PPP3R1: variants seen among roughly 807,000 people sequenced by gnomAD.
The protein encoded by PPP3R1 is calcineurin subunit B type 1.
Under a neutral mutation model 22.6 loss-of-function variants are expected in PPP3R1, and 5 were observed. That is an observed-to-expected ratio of 0.22 (90% CI 0.12 to 0.46). The LOEUF is 0.46. PPP3R1 is among the 20% of genes least tolerant of loss of function. PPP3R1 has a pLI of 0.99. For synonymous variants in PPP3R1, 56 were observed against 65.2 expected, an observed-to-expected ratio of 0.86 and a Z score of 0.68; for missense variants, 61 against 203.2, an observed-to-expected ratio of 0.30 and a Z score of 4.25.
intron 1 of PPP3R1, among the ~76,000 whole-genome samples, chr2:68,217,375 T>C (rs1157475931): frequency 6.6e-6 from 1 of 152,168 alleles, no homozygotes; most frequent in Non-Finnish European, 1.5e-5. Context: ...TGCAAATATT[T>C]GATTGCAATA....
At chr2:68,238,692 T>A (rs1002079654) in intron 1 of PPP3R1, among the ~76,000 whole-genome samples, 6 of 152,134 alleles carry the variant, frequency 3.9e-5, no homozygotes, top group Non-Finnish European at 8.8e-5. Flanking sequence ...AAAAAAGTAT[T>A]ATGTGGGCTA....
chr2:68,251,641 C>T (rs1277692453), intron 1 of PPP3R1, among the ~76,000 whole-genome samples: 1 of 119,716 alleles, frequency 8.4e-6, no homozygotes, highest in Non-Finnish European at 1.8e-5. Context: ...GCAGCAGCAG[C>T]TCTGGAGAGT....
At chr2:68,209,358 C>CAAAAAA (rs777851469) in intron 2 of PPP3R1, among the ~76,000 whole-genome samples, 10 of 41,692 alleles carry the variant, frequency 2.4e-4, no homozygotes, top group Non-Finnish European at 3.9e-4. Context: ...GACTCTGTCT[C>CAAAAAA]AAAAAAAAAA....
intron 1 of PPP3R1, among the ~76,000 whole-genome samples, chr2:68,249,403 T>C (rs954122858): frequency 2.6e-5 from 4 of 152,064 alleles, no homozygotes; most frequent in African/African-American, 9.7e-5. Context: ...TGTTTTAAGT[T>C]CTAGATGCAG....
chr2:68,211,811 C>G (rs936889686), intron 2 of PPP3R1, among the ~76,000 whole-genome samples: 1 of 152,186 alleles, frequency 6.6e-6, no homozygotes, highest in Non-Finnish European at 1.5e-5. Flanking sequence ...TCTTTACTCA[C>G]CCATAAAAAG....
At position 68,187,032 on chromosome 2, in the gene PPP3R1, G is replaced by A. The variant is rs1335537424; in HGVS notation, c.280+223C>T. On this transcript the variant is annotated intron_variant, in intron 4 of 5. Transcript: ENST00000234310. ...TTTACATGGCTGTTTTCAGCAGAAA[G>A]AAACTGTTTTCCTTCTATCCAACTA... Among the ~76,000 whole-genome samples the A allele has an allele frequency of 1.3e-5, 2 of 152,184 alleles. 1 individual carries two copies. Among genetic ancestry groups the A allele is most frequent in the South Asian group, 4.1e-4 (2 of 4,834 alleles).
chr2:68,245,229 G>A (rs1284259026), intron 1 of PPP3R1, among the ~76,000 whole-genome samples: 5 of 152,082 alleles, frequency 3.3e-5, no homozygotes, highest in East Asian at 1.9e-4. Context: ...GGGTGTAGTG[G>A]TGTGCACCTG....
intron 5 of PPP3R1, 114 bp downstream of exon 5, chr2:68,186,354 G>A: frequency 9.8e-7 from 1 of 1,024,642 alleles, no homozygotes; most frequent in Non-Finnish European, 1.4e-6. Context: ...GGGCAATTAG[G>A]AAAAATCAAA....
At chr2:68,189,363 G>A (rs1291794948) in intron 2 of PPP3R1, among the ~76,000 whole-genome samples, 3 of 152,090 alleles carry the variant, frequency 2.0e-5, no homozygotes, top group Non-Finnish European at 4.4e-5. Context: ...CTTTAAAAGA[G>A]AAAGAATAAC....
At chr2:68,223,943 A>C (rs533352925) in intron 1 of PPP3R1, among the ~76,000 whole-genome samples, 10 of 152,318 alleles carry the variant, frequency 6.6e-5, no homozygotes, top group African/African-American at 2.2e-4. Context: ...TGAATTAAGC[A>C]AGACGGCAAG....
intron 1 of PPP3R1, among the ~76,000 whole-genome samples, chr2:68,240,340 T>A (rs977787186): frequency 1.3e-5 from 2 of 152,040 alleles, no homozygotes; most frequent in Non-Finnish European, 2.9e-5. Context: ...AGTTCTTAGA[T>A]CTGTTCTGAT....
In PPP3R1 at chr2:68,241,787, T is replaced by C. The variant is rs1670142794; in HGVS notation, c.3+10338A>G. On this transcript the variant is annotated intron_variant, in intron 1 of 5. Coordinates refer to ENST00000234310, the MANE Select transcript of PPP3R1 (RefSeq NM_000945.4). ...TGAACATGGAAGGTGGAGGTTGCAG[T>C]GAACCGAGATTGCACCACTGTACTC... is the stretch of plus-strand genomic sequence containing the variant. Among the ~76,000 whole-genome samples, 4 of 146,264 alleles carry C rather than the reference T, an allele frequency of 2.7e-5. No individual in the cohort carries two copies. In the South Asian group the frequency reaches 8.5e-4, roughly 31 times the overall value.
At chr2:68,242,053 CT>C (rs1480500139) in intron 1 of PPP3R1, among the ~76,000 whole-genome samples, 1 of 152,126 alleles carries the variant, frequency 6.6e-6, no homozygotes, top group Non-Finnish European at 1.5e-5. Flanking sequence ...TTTTACTTAA[CT>C]TTAATTAACT....
chr2:68,187,001 T>G (rs1478422432), intron 4 of PPP3R1, among the ~76,000 whole-genome samples: 1 of 152,354 alleles, frequency 6.6e-6, no homozygotes, highest in Admixed American at 6.5e-5. Context: ...AAATTACATA[T>G]GTAGTTTTAC....
rs115019890 is a variant in PPP3R1 at position 68,252,170 on chromosome 2, G to T, written c.-43C>A. 4,351 of 1,392,460 alleles carry T rather than the reference G, an allele frequency of 3.1e-3. 107 individuals carry two copies. In the African/African-American group the frequency reaches 0.055, roughly 18 times the overall value. The allele number at this position is 1,392,460 out of a possible 1,614,324, so 86.3% of individuals were successfully genotyped here. ...CGGCTCGCTGGCTCGCTGGCTCGGA[G>T]AAGTGTTGCGCTCAGGCTGGCTCGC... is the stretch of plus-strand genomic sequence containing the variant. On this transcript the variant is annotated 5_prime_UTR_variant, in exon 1 of 6. Coordinates refer to ENST00000234310, the MANE Select transcript of PPP3R1 (RefSeq NM_000945.4).
At chr2:68,210,316 T>C (rs555047977) in intron 2 of PPP3R1, among the ~76,000 whole-genome samples, 2 of 152,222 alleles carry the variant, frequency 1.3e-5, no homozygotes, top group Non-Finnish European at 2.9e-5. Context: ...CAAGAACTTC[T>C]AAGCATGTAA....
chr2:68,214,185 C>G (rs577604292), intron 2 of PPP3R1, among the ~76,000 whole-genome samples: 86 of 152,084 alleles, frequency 5.7e-4, no homozygotes, highest in Non-Finnish European at 7.4e-5. Context: ...CTATAAAAAC[C>G]CTGTAAGATA....
At chr2:68,250,491 T>C (rs1038093675) in intron 1 of PPP3R1, among the ~76,000 whole-genome samples, 5 of 152,218 alleles carry the variant, frequency 3.3e-5, no homozygotes, top group Non-Finnish European at 7.3e-5. Context: ...AAACATTCCC[T>C]GCAATGAACA....
chr2:68,196,633 G>C lies in PPP3R1; in HGVS notation c.44-7943C>G, dbSNP rs562627319. 2.9e-3 allele frequency among the ~76,000 whole-genome samples: 447 copies of C among 152,110 alleles called. 1 individual carries two copies. The highest frequency in any genetic ancestry group is 4.4e-3 in the Admixed American group (67 of 15,268). On this transcript the variant is annotated intron_variant, in intron 2 of 5. Transcript: ENST00000234310. ...GTAATGAGTCTTTTTGGAGCTCCTA[G>C]ATTTCTTACATACTTTAAAGATTAT...
Sources: gnomAD v4.1 joint callset for allele counts (sites outside exome capture counted in the v4.1 genomes callset) on GRCh38, gnomAD v4.1.1 for gene constraint, MANE v1.5 for transcripts, NCBI Gene and HGNC (gene_info 2026-07-23, HGNC 2026-07-21) for gene names.